Variants in VPS13D observed in about 807,000 individuals in gnomAD.
The protein encoded by VPS13D is intermembrane lipid transfer protein VPS13D.
In VPS13D, 187 loss-of-function variants were observed where a neutral mutation model predicts 461.9. The observed-to-expected ratio is 0.40, with a 90% CI of 0.36 to 0.46. The LOEUF (loss-of-function observed/expected upper bound fraction) is 0.46. Among genes scored for constraint, VPS13D ranks in the 20% least tolerant of loss-of-function variants. The probability of loss-of-function intolerance (pLI) is 0.60; values close to 1 mark genes in which losing one functional copy is unlikely to be tolerated. For missense variants in VPS13D, 4,711 were observed against 5,364.9 expected, an observed-to-expected ratio of 0.88 and a Z score of 3.81; for synonymous variants, 1,951 against 1,986.3, an observed-to-expected ratio of 0.98 and a Z score of 0.47.
At chr1:12,287,558 C>T (rs1642009835) in intron 21 of VPS13D, among the ~76,000 whole-genome samples, 1 of 152,150 alleles carries the variant, frequency 6.6e-6, no homozygotes, top group African/African-American at 2.4e-5. Flanking sequence ...GTGTTTTGTC[C>T]CCTGTGATGT....
chr1:12,343,036 G>C lies in VPS13D; in HGVS notation c.8870G>C (p.Gly2957Ala). 1 of 1,612,810 alleles carries C rather than the reference G, an allele frequency of 6.2e-7. No individual in the cohort carries two copies. Among genetic ancestry groups the C allele is most frequent in the Non-Finnish European group, 8.5e-7 (1 of 1,179,080 alleles). Residue 2957 changes from glycine to alanine, a missense_variant, in exon 42 of 70, where the codon GGA becomes GCA. Physicochemically the swap from Gly to Ala is moderately conservative, Grantham distance 60. Around this residue, in one of 3 missense-constraint regions of VPS13D, gnomAD observed 4,411 missense variants for 4,937.8 expected, o/e 0.89. Transcript: ENST00000620676. ...EEIPFEFEARGKLRHRHTHDL... is the reference protein window; with the variant it reads ...EEIPFEFEARAKLRHRHTHDL... ...ATTCCCTTTGAATTTGAAGCAAGAG[G>C]AAAGTTAAGACACAGGTAAAGTATG... is the stretch of plus-strand genomic sequence containing the variant.
chr1:12,273,267 A>T, intron 18 of VPS13D, 132 bp downstream of exon 18: 1 of 1,158,132 alleles, frequency 8.6e-7, no homozygotes, highest in Admixed American at 3.0e-5. Context: ...TTCAAGGTTC[A>T]TCTGTAACTT....
At chr1:12,258,210 A>T in intron 10 of VPS13D, 107 bp downstream of exon 10, 6 of 1,372,810 alleles carry the variant, frequency 4.4e-6, no homozygotes, top group Non-Finnish European at 6.0e-6. Flanking sequence ...CCCATGCCAA[A>T]GGGGCTAAAT....
chr1:12,384,027 G>A (rs1188168047), intron 58 of VPS13D, among the ~76,000 whole-genome samples: 2 of 152,204 alleles, frequency 1.3e-5, no homozygotes, highest in African/African-American at 4.8e-5. Context: ...GCAACAAGGA[G>A]TCAGGGAATG....
In VPS13D at chr1:12,412,860, A is replaced by G. The variant is rs80355754; in HGVS notation, c.12031-2227A>G. On this transcript the variant is annotated intron_variant, in intron 63 of 69. Coordinates refer to ENST00000620676, the MANE Select transcript of VPS13D (RefSeq NM_015378.4). ...AAGACACCATTTAAAGAGTAGTAAG[A>G]TAAGTCACAGAATGGAAGAAGATAT... Among the ~76,000 whole-genome samples, 648 of 152,310 alleles carry G rather than the reference A, an allele frequency of 4.3e-3. 2 individuals carry two copies. The highest frequency in any genetic ancestry group is 0.015 in the African/African-American group (624 of 41,566).
chr1:12,275,272 G>A (rs879486320), intron 18 of VPS13D, among the ~76,000 whole-genome samples: 6 of 151,024 alleles, frequency 4.0e-5, no homozygotes, highest in Non-Finnish European at 5.9e-5. Context: ...AAAATTAGCC[G>A]GGCATGGTGG....
At chr1:12,296,021 T>C (rs994837164) in intron 24 of VPS13D, among the ~76,000 whole-genome samples, 1 of 152,264 alleles carries the variant, frequency 6.6e-6, no homozygotes, top group African/African-American at 2.4e-5. Flanking sequence ...TTCATATTGT[T>C]ACATACGATA....
chr1:12,368,634 G>C, intron 53 of VPS13D, 43 bp downstream of exon 53: 1 of 1,595,378 alleles, frequency 6.3e-7, no homozygotes, highest in Non-Finnish European at 8.5e-7. Context: ...TTTCATGTGT[G>C]GGAGGGTGGA....
intron 25 of VPS13D, among the ~76,000 whole-genome samples, chr1:12,302,502 G>A (rs1240287783): frequency 6.6e-6 from 1 of 152,136 alleles, no homozygotes. Context: ...TATTTTTTAA[G>A]TCAAATAATA....
rs556902604 is a variant in VPS13D, at chr1:12,276,729, G to A, written c.3141G>A (p.Pro1047=). Residue 1047 remains proline, a synonymous_variant, in exon 19 of 70, where the codon CCG becomes CCA. Coordinates refer to ENST00000620676, the MANE Select transcript of VPS13D (RefSeq NM_015378.4). The surrounding 1 kb of genome is among the most constrained non-coding windows in gnomAD (Gnocchi z 4.5). ...DSRAQSPVSG[P]NVAHLTDGAT... is the part of the protein sequence containing the mutation. Reference sequence around the variant, plus strand: ...GGGCCCAGTCTCCTGTCTCTGGACCGAATGTGGCCCACTTAACTGATGGAG... The same window carrying A: ...GGGCCCAGTCTCCTGTCTCTGGACCAAATGTGGCCCACTTAACTGATGGAG... The A allele has an allele frequency of 1.1e-5, 18 of 1,614,154 alleles. No individual in the cohort carries two copies. The highest frequency in any genetic ancestry group is 6.6e-5 in the South Asian group (6 of 91,078).
At chr1:12,311,089 C>T (rs1487001181) in intron 27 of VPS13D, among the ~76,000 whole-genome samples, 1 of 151,702 alleles carries the variant, frequency 6.6e-6, no homozygotes, top group East Asian at 1.9e-4. Context: ...TTAATTTTTG[C>T]ATTTTTTGTA....
intron 36 of VPS13D, 147 bp downstream of exon 36, chr1:12,328,001 G>A (rs1643235183): frequency 3.4e-6 from 3 of 880,272 alleles, no homozygotes; most frequent in Admixed American, 3.2e-5. Flanking sequence ...TTTTCATTAT[G>A]TATGTTTTAA....
At chr1:12,418,283 C>T (rs1232134041) in intron 65 of VPS13D, among the ~76,000 whole-genome samples, 2 of 152,276 alleles carry the variant, frequency 1.3e-5, no homozygotes, top group South Asian at 2.1e-4. Flanking sequence ...TCTGAACTAG[C>T]GTGTACTTTT....
chr1:12,496,684 T>C (rs1645962526), intron 67 of VPS13D, among the ~76,000 whole-genome samples: 1 of 152,232 alleles, frequency 6.6e-6, no homozygotes, highest in Admixed American at 6.5e-5. Flanking sequence ...AAATGTGCAC[T>C]CCTGTTTCTA....
At chr1:12,291,266 G>A in intron 23 of VPS13D, 142 bp downstream of exon 23, 2 of 902,904 alleles carry the variant, frequency 2.2e-6, no homozygotes, top group Non-Finnish European at 1.6e-6. Flanking sequence ...GTTATGAGGA[G>A]TTCTTCCTGA....
intron 61 of VPS13D, 65 bp from the exon 62 acceptor site, chr1:12,401,543 T>G: frequency 7.7e-7 from 1 of 1,298,304 alleles, no homozygotes; most frequent in Admixed American, 1.9e-5. Context: ...TGAGGCCTTC[T>G]TAATAGCACA....
At chr1:12,350,822 G>GA (rs1643775887) in intron 46 of VPS13D, among the ~76,000 whole-genome samples, 1 of 151,854 alleles carries the variant, frequency 6.6e-6, no homozygotes, top group Non-Finnish European at 1.5e-5. Context: ...AGAAAAGACA[G>GA]AACACACAAA....
intron 21 of VPS13D, 139 bp downstream of exon 21, chr1:12,283,875 A>G: frequency 1.1e-6 from 1 of 916,988 alleles, no homozygotes; most frequent in Non-Finnish European, 1.6e-6. Context: ...GGTGTTTGCT[A>G]CGAAAGGTAG....
At chr1:12,254,925 T>G (rs945177447) in intron 7 of VPS13D, among the ~76,000 whole-genome samples, 1 of 151,962 alleles carries the variant, frequency 6.6e-6, no homozygotes, top group Non-Finnish European at 1.5e-5. Flanking sequence ...TTCACTTGGA[T>G]ACTATTGTAC....
Sources: allele counts gnomAD v4.1 joint callset (sites outside exome capture counted in the v4.1 genomes callset), GRCh38; gene constraint gnomAD v4.1.1; regional missense constraint gnomAD v4.1.1; non-coding constraint Gnocchi (gnomAD v3.1); transcripts MANE v1.5; gene names NCBI Gene and HGNC (gene_info 2026-07-23, HGNC 2026-07-21).